GRXCR1: variants seen among roughly 807,000 people sequenced by gnomAD.
GRXCR1 encodes glutaredoxin and cysteine rich domain containing 1.
In GRXCR1, 27 loss-of-function variants were observed where a neutral mutation model predicts 27.3. The observed-to-expected ratio is 0.99, with a 90% CI of 0.73 to 1.37. The LOEUF is 1.37. Among genes scored for constraint, GRXCR1 ranks in the 40% most tolerant of loss-of-function variants. The pLI is 0.00. For synonymous variants in GRXCR1, 122 were observed against 131.1 expected, an observed-to-expected ratio of 0.93 and a Z score of 0.47; for missense variants, 379 against 354.4, an observed-to-expected ratio of 1.07 and a Z score of -0.56.
rs183172948 is a variant in GRXCR1, at chr4:43,016,863, C to T, written c.628-3491C>T. Among the ~76,000 whole-genome samples the T allele has an allele frequency of 1.5e-3, 235 of 152,064 alleles. 1 individual carries two copies. Among genetic ancestry groups the T allele is most frequent in the African/African-American group, 5.6e-3 (233 of 41,472 alleles). The stretch of plus-strand genomic sequence containing the variant: ...ATTTCTTTTCCTACCTTTTTTTATT[C>T]CTCGAAATGTGTATTTCTTCCTTGG... On this transcript the variant is annotated intron_variant, in intron 2 of 3. Coordinates refer to ENST00000399770, the MANE Select transcript of GRXCR1 (RefSeq NM_001080476.3).
intron 3 of GRXCR1, among the ~76,000 whole-genome samples, chr4:43,022,032 G>C (rs1713108472): frequency 1.3e-5 from 2 of 152,072 alleles, no homozygotes; most frequent in Non-Finnish European, 2.9e-5. Flanking sequence ...AGCTAAAAAA[G>C]CTGTATGAAT....
intron 1 of GRXCR1, among the ~76,000 whole-genome samples, chr4:42,943,016 A>G (rs1747659499): frequency 6.6e-6 from 1 of 152,040 alleles, no homozygotes; most frequent in African/African-American, 2.4e-5. Context: ...CAAAGCCCTT[A>G]ATGGAAGGGC....
intron 1 of GRXCR1, among the ~76,000 whole-genome samples, chr4:42,897,683 G>A (rs544570335): frequency 6.6e-6 from 1 of 152,132 alleles, no homozygotes; most frequent in South Asian, 2.1e-4. Context: ...TAAGAACAAA[G>A]TATACCTCAA....
At chr4:42,977,204 T>A (rs965194376) in intron 2 of GRXCR1, among the ~76,000 whole-genome samples, 11 of 152,062 alleles carry the variant, frequency 7.2e-5, no homozygotes, top group African/African-American at 2.7e-4. Context: ...CACATTTTTT[T>A]ATCCATTTAT....
At chr4:42,987,222 TTATATA>T (rs1553943891) in intron 2 of GRXCR1, among the ~76,000 whole-genome samples, 189 of 100,556 alleles carry the variant, frequency 1.9e-3, no homozygotes, top group African/African-American at 7.0e-3. Context: ...TATATATATA[TTATATA>T]TTATATATAT....
At chr4:42,961,105 G>A (rs1226999886) in intron 1 of GRXCR1, among the ~76,000 whole-genome samples, 3 of 151,756 alleles carry the variant, frequency 2.0e-5, no homozygotes, top group Non-Finnish European at 4.4e-5. Flanking sequence ...GTGGTGTTTG[G>A]TTTTCTGTTC....
intron 1 of GRXCR1, among the ~76,000 whole-genome samples, chr4:42,914,457 C>A (rs189268801): frequency 7.2e-5 from 11 of 152,308 alleles, no homozygotes; most frequent in Non-Finnish European, 2.9e-5. Flanking sequence ...TTGTTTTGGC[C>A]AATTTCTCCC....
chr4:42,893,669 C>T lies in GRXCR1; in HGVS notation c.384+19C>T. ...ATTACAGGTAAGTCATTGCTGTTTC[C>T]TTCTCCTGCTCTTTGTTCCTAACTC... On this transcript the variant is annotated intron_variant, in intron 1 of 3. Coordinates refer to ENST00000399770, the MANE Select transcript of GRXCR1 (RefSeq NM_001080476.3). 6.2e-7 allele frequency: 1 copy of T among 1,608,818 alleles called. No homozygotes were observed. Among genetic ancestry groups the T allele is most frequent in the Non-Finnish European group, 8.5e-7 (1 of 1,177,810 alleles).
At chr4:42,915,066 T>C (rs1324294438) in intron 1 of GRXCR1, among the ~76,000 whole-genome samples, 3 of 152,162 alleles carry the variant, frequency 2.0e-5, no homozygotes, top group Non-Finnish European at 4.4e-5. Flanking sequence ...GGGGATTTCT[T>C]CATAGCAGCA....
At chr4:42,956,322 C>A (rs1020710167) in intron 1 of GRXCR1, among the ~76,000 whole-genome samples, 1 of 152,052 alleles carries the variant, frequency 6.6e-6, no homozygotes, top group Non-Finnish European at 1.5e-5. Flanking sequence ...ATCCTTCATA[C>A]GCTATTCCCA....
chr4:43,005,872 C>T (rs80083299), intron 2 of GRXCR1, among the ~76,000 whole-genome samples: 2 of 152,278 alleles, frequency 1.3e-5, no homozygotes, highest in East Asian at 1.9e-4. Flanking sequence ...TGGTCCCATG[C>T]TAGGCACCAG....
At chr4:42,963,695 C>T (rs1748178708) in intron 2 of GRXCR1, among the ~76,000 whole-genome samples, 1 of 151,940 alleles carries the variant, frequency 6.6e-6, no homozygotes, top group Non-Finnish European at 1.5e-5. Flanking sequence ...AGCAGCAGAA[C>T]ATGCCTGTTT....
intron 2 of GRXCR1, among the ~76,000 whole-genome samples, chr4:42,992,588 A>T (rs552667187): frequency 6.6e-6 from 1 of 152,240 alleles, no homozygotes; most frequent in East Asian, 1.9e-4. Flanking sequence ...AGATTTGTTT[A>T]CATTATATTT....
intron 2 of GRXCR1, among the ~76,000 whole-genome samples, chr4:42,987,736 A>G (rs1288276629): frequency 1.3e-5 from 2 of 152,176 alleles, no homozygotes; most frequent in Non-Finnish European, 2.9e-5. Context: ...GTTCTGGGAA[A>G]GATCTAGGTG....
At chr4:42,999,288 A>C (rs1417020465) in intron 2 of GRXCR1, among the ~76,000 whole-genome samples, 1 of 152,220 alleles carries the variant, frequency 6.6e-6, no homozygotes, top group Non-Finnish European at 1.5e-5. Flanking sequence ...GTGTGTATAG[A>C]ATTTACTCAA....
chr4:43,004,793 T>C (rs1196152601), intron 2 of GRXCR1, among the ~76,000 whole-genome samples: 1 of 152,228 alleles, frequency 6.6e-6, no homozygotes, highest in Non-Finnish European at 1.5e-5. Context: ...CTAATTTGTT[T>C]TTGATTTTAC....
rs376852465 is a variant in GRXCR1 at position 42,966,876 on chromosome 4, G to A, written c.627+3742G>A. On this transcript the variant is annotated intron_variant, in intron 2 of 3. Transcript: ENST00000399770. Reference sequence around the variant, plus strand: ...GTGTCTGTTAAGGTCTTTGGCTCATGTTTAAGTCAAGTTTTTTGTTTTCTT... The same window carrying A: ...GTGTCTGTTAAGGTCTTTGGCTCATATTTAAGTCAAGTTTTTTGTTTTCTT... 4.5e-4 allele frequency among the ~76,000 whole-genome samples: 68 copies of A among 152,126 alleles called. 2 individuals are homozygous for A. In the South Asian group the frequency reaches 1.0e-2, roughly 22 times the overall value.
At chr4:42,911,409 A>T (rs567974407) in intron 1 of GRXCR1, among the ~76,000 whole-genome samples, 5 of 152,292 alleles carry the variant, frequency 3.3e-5, no homozygotes, top group African/African-American at 1.2e-4. Flanking sequence ...TCAAGAATTC[A>T]GTAGAGATAA....
chr4:42,928,973 T>C (rs938393971), intron 1 of GRXCR1, among the ~76,000 whole-genome samples: 3 of 152,004 alleles, frequency 2.0e-5, no homozygotes, highest in Non-Finnish European at 4.4e-5. Flanking sequence ...AAGACTTTTT[T>C]CTTTATTTTT....
Sources: allele counts gnomAD v4.1 joint callset (sites outside exome capture counted in the v4.1 genomes callset), GRCh38; gene constraint gnomAD v4.1.1; transcripts MANE v1.5; gene names NCBI Gene and HGNC (gene_info 2026-07-23, HGNC 2026-07-21).